The following KLF12 variants were observed in gnomAD, a reference collection of about 807,000 sequenced individuals.
The protein encoded by KLF12 is KLF transcription factor 12.
In KLF12, 9 loss-of-function variants were observed where a neutral mutation model predicts 37.8. The observed-to-expected ratio is 0.24, with a 90% CI of 0.14 to 0.42. KLF12 has a LOEUF of 0.42. Among genes scored for constraint, KLF12 ranks in the 10% least tolerant of loss-of-function variants. KLF12 has a pLI of 1.00. For missense variants in KLF12, 411 were observed against 516.0 expected, an observed-to-expected ratio of 0.80 and a Z score of 1.97; for synonymous variants, 208 against 202.1, an observed-to-expected ratio of 1.03 and a Z score of -0.25.
intron 7 of KLF12, among the ~76,000 whole-genome samples, chr13:73,709,939 G>C (rs1875239972): frequency 2.0e-5 from 3 of 152,082 alleles, no homozygotes; most frequent in African/African-American, 7.2e-5. Context: ...AGCTGAAACA[G>C]ACAGCAAAAA....
chr13:74,136,975 T>C (rs915026924), upstream of KLF12, among the ~76,000 whole-genome samples: 2 of 152,110 alleles, frequency 1.3e-5, no homozygotes, highest in African/African-American at 4.8e-5. Context: ...GCAAAAACAT[T>C]TGAAATAATA....
chr13:73,820,495 T>C (rs1303224181), intron 4 of KLF12, among the ~76,000 whole-genome samples: 1 of 152,220 alleles, frequency 6.6e-6, no homozygotes, highest in Non-Finnish European at 1.5e-5. Flanking sequence ...GAAATAGCTC[T>C]CCAGGGTCCT....
chr13:74,187,630 C>T, the KLF12 span, among the ~76,000 whole-genome samples: 1 of 152,126 alleles, frequency 6.6e-6, no homozygotes, highest in Non-Finnish European at 1.5e-5. Flanking sequence ...TGATGAATGA[C>T]TGAATGAACG....
chr13:73,859,415 C>A (rs201967095), intron 3 of KLF12, among the ~76,000 whole-genome samples: 7 of 152,152 alleles, frequency 4.6e-5, no homozygotes, highest in Non-Finnish European at 8.8e-5. Context: ...AATCCACCTC[C>A]CCATGCTGCC....
chr13:73,855,874 T>C (rs59600762), intron 3 of KLF12, among the ~76,000 whole-genome samples: 5,109 of 152,298 alleles, frequency 0.034, 295 homozygotes, highest in African/African-American at 0.11. Flanking sequence ...CAACTCACTA[T>C]GAAATTAATA....
At chr13:74,185,213 AT>A in the KLF12 span, among the ~76,000 whole-genome samples, 138 of 152,168 alleles carry the variant, frequency 9.1e-4, no homozygotes, top group Non-Finnish European at 1.6e-3. Flanking sequence ...CACAATAAAT[AT>A]TTTTTCCTGT....
chr13:73,931,930 C>G (rs1020669249), intron 3 of KLF12, among the ~76,000 whole-genome samples: 1 of 151,214 alleles, frequency 6.6e-6, no homozygotes, highest in Non-Finnish European at 1.5e-5. Context: ...CATTCGACTA[C>G]CTTGTTAGAG....
intron 3 of KLF12, among the ~76,000 whole-genome samples, chr13:73,927,683 T>C (rs1420943814): frequency 6.6e-6 from 1 of 151,630 alleles, no homozygotes; most frequent in African/African-American, 2.4e-5. Context: ...GTTCAAGCAA[T>C]TCTCCTGCCT....
At chr13:73,822,841 C>A (rs1384704874) in intron 4 of KLF12, among the ~76,000 whole-genome samples, 1 of 152,128 alleles carries the variant, frequency 6.6e-6, no homozygotes, top group Non-Finnish European at 1.5e-5. Context: ...GGCCAAGAGC[C>A]CTGAACTCTA....
chr13:74,027,951 C>A (rs776005266), intron 1 of KLF12, among the ~76,000 whole-genome samples: 10 of 152,178 alleles, frequency 6.6e-5, no homozygotes, highest in Non-Finnish European at 1.3e-4. Context: ...AGTATGTCAA[C>A]AATTATTTCT....
intron 1 of KLF12, among the ~76,000 whole-genome samples, chr13:74,084,735 C>A (rs541582631): frequency 6.6e-6 from 1 of 152,004 alleles, no homozygotes; most frequent in Non-Finnish European, 1.5e-5. Context: ...TAGGTGTATT[C>A]CAAATTTAGT....
the KLF12 span, among the ~76,000 whole-genome samples, chr13:74,196,223 C>T: frequency 2.0e-5 from 3 of 152,146 alleles, no homozygotes; most frequent in African/African-American, 7.2e-5. Context: ...TCTAACTTCA[C>T]TTACCACTCT....
chr13:74,304,290 C>T, the KLF12 span, among the ~76,000 whole-genome samples: 1 of 152,072 alleles, frequency 6.6e-6, no homozygotes, highest in African/African-American at 2.4e-5. Context: ...TTTTTTTTCT[C>T]TTCATCAGTC....
At chr13:74,015,559 T>C (rs1422389410) in intron 1 of KLF12, among the ~76,000 whole-genome samples, 3 of 152,144 alleles carry the variant, frequency 2.0e-5, no homozygotes, top group African/African-American at 7.2e-5. Flanking sequence ...CAGTAAATAA[T>C]AAAAAGTCTT....
chr13:74,069,155 G>A (rs1229669575), intron 1 of KLF12, among the ~76,000 whole-genome samples: 1 of 152,148 alleles, frequency 6.6e-6, no homozygotes, highest in Non-Finnish European at 1.5e-5. Context: ...ACACAGGTTT[G>A]AACTGCCTGA....
At chr13:73,749,796 G>T (rs545112922) in intron 6 of KLF12, among the ~76,000 whole-genome samples, 12 of 152,266 alleles carry the variant, frequency 7.9e-5, no homozygotes, top group South Asian at 4.1e-4. Context: ...ATGAAAGTTG[G>T]TTTTTTCTTT....
chr13:73,708,268 A>G (rs1875098967), intron 7 of KLF12, among the ~76,000 whole-genome samples: 1 of 152,190 alleles, frequency 6.6e-6, no homozygotes, highest in Non-Finnish European at 1.5e-5. Context: ...ATTAAAATGA[A>G]TATTATACAG....
chr13:73,690,635 G>A lies in KLF12; in HGVS notation c.*4855C>T, dbSNP rs902857156. ...ATTTTGAACAGAACACGAAGAGCAT[G>A]CTCTGACAAAGTTGGACAGAGTTCC... On this transcript the variant is annotated 3_prime_UTR_variant, in exon 8 of 8. Coordinates refer to ENST00000377669, the MANE Select transcript of KLF12 (RefSeq NM_007249.5). 3 of 152,116 alleles carry A rather than the reference G, an allele frequency of 2.0e-5. No homozygotes were observed. The highest frequency in any genetic ancestry group is 4.4e-5 in the Non-Finnish European group (3 of 67,978). The allele number at this position is 152,116 out of a possible 1,614,324, so 9.4% of individuals were successfully genotyped here.
chr13:73,797,256 A>G (rs537878420), intron 5 of KLF12, among the ~76,000 whole-genome samples: 1 of 152,362 alleles, frequency 6.6e-6, no homozygotes, highest in South Asian at 2.1e-4. Context: ...CTAGATCTCC[A>G]AATACCAACA....
Sources: gnomAD v4.1 joint callset for allele counts (sites outside exome capture counted in the v4.1 genomes callset) on GRCh38, gnomAD v4.1.1 for gene constraint, MANE v1.5 for transcripts, NCBI Gene and HGNC (gene_info 2026-07-23, HGNC 2026-07-21) for gene names.